TAS1R3: variants seen among roughly 807,000 people sequenced by gnomAD.
The protein encoded by TAS1R3 is taste receptor type 1 member 3.
In TAS1R3, 58 loss-of-function variants were observed where a neutral mutation model predicts 46.1. The ratio of observed to expected loss-of-function variants is 1.26; its 90% CI spans 1.02 to 1.57. The LOEUF (loss-of-function observed/expected upper bound fraction) is 1.57, where lower values mean the gene tolerates loss of function less well. Among genes scored for constraint, TAS1R3 ranks in the 40% most tolerant of loss-of-function variants. The pLI, the probability that TAS1R3 is intolerant of heterozygous loss-of-function variation, is 0.00. For missense variants in TAS1R3, 1,422 were observed against 1,185.8 expected (o/e 1.20, Z -2.93); for synonymous variants, 724 against 544.7 (o/e 1.33, Z -4.58).
Position 1,332,143 on chromosome 1 carries a change from C to G in TAS1R3, c.612C>G (p.Phe204Leu). 1 of 1,598,926 alleles carries G rather than the reference C, an allele frequency of 6.3e-7. No individual in the cohort carries two copies. Among genetic ancestry groups the G allele is most frequent in the Non-Finnish European group, 8.5e-7 (1 of 1,179,474 alleles). Residue 204 changes from phenylalanine to leucine, a missense_variant, in exon 3 of 6, where the codon TTC (phenylalanine) becomes TTG (leucine). Coordinates refer to ENST00000339381, the MANE Select transcript of TAS1R3 (RefSeq NM_152228.3). ...LTAAAELLQE[F>L]GWNWVAALGS... ...CCGCCGCGGAGCTGCTGCAGGAGTT[C>G]GGCTGGAACTGGGTGGCCGCCCTGG... is the stretch of plus-strand genomic sequence containing the variant.
In TAS1R3 at chr1:1,334,513, C is replaced by T. The variant is rs149655013; in HGVS notation, c.*49C>T. The T allele has an allele frequency of 7.7e-5, 111 of 1,445,454 alleles. No homozygotes were observed. The East Asian group carries it at 2.7e-3, about 35-fold the overall frequency. 89.5% of individuals were successfully genotyped at this position (1,445,454 alleles called of 1,614,324 possible). A position where few individuals can be genotyped will look rare whatever the true frequency, so the allele number is the denominator to read the frequency against. Reference sequence around the variant, plus strand: ...GGTGAACCCAGACTTAGCTGCGATCCCCCCCAAGCCAGCAATGACCCGTGT... The same window carrying T: ...GGTGAACCCAGACTTAGCTGCGATCTCCCCCAAGCCAGCAATGACCCGTGT... On this transcript the variant is annotated 3_prime_UTR_variant, in exon 6 of 6. Coordinates refer to ENST00000339381, the MANE Select transcript of TAS1R3 (RefSeq NM_152228.3).
chr1:1,332,858 A>G, intron 3 of TAS1R3, 52 bp downstream of exon 3: 1 of 1,587,786 alleles, frequency 6.3e-7, no homozygotes, highest in Non-Finnish European at 8.6e-7. Context: ...CCAGGCCACC[A>G]GGCACGGCCA....
rs371658998 is a variant in TAS1R3, at chr1:1,333,139, G to A, written c.1479+15G>A. 1 of 1,607,366 alleles carries A rather than the reference G, an allele frequency of 6.2e-7. No individual in the cohort carries two copies. The highest frequency in any genetic ancestry group is 1.7e-5 in the Admixed American group (1 of 59,578). The stretch of plus-strand genomic sequence containing the variant: ...CTGACAACCAGGTGAGGTGAGGGTG[G>A]GTGTGCCAGGCGTGCCCGTGGTAGC... On this transcript the variant is annotated intron_variant, in intron 4 of 5. Transcript: ENST00000339381.
rs377297056 is a variant in TAS1R3 at position 1,332,243 on chromosome 1, G to A, written c.712G>A (p.Ala238Thr). 101 of 1,595,152 alleles carry A rather than the reference G, an allele frequency of 6.3e-5. 2 individuals carry two copies. The Admixed American group carries it at 8.8e-4, about 14-fold the overall frequency. ...ALAAARGICI[A>T]HEGLVPLPRA... ...GGCCGCGGCACGCGGCATCTGCATC[G>A]CGCACGAGGGCCTGGTGCCGCTGCC... Residue 238 changes from alanine (A) to threonine (T), a missense_variant, in exon 3 of 6, where the codon GCG becomes ACG. By Grantham distance (58) the Ala-to-Thr change is moderately conservative. Transcript: ENST00000339381.
Position 1,334,541 on chromosome 1 carries a change from C to A in TAS1R3, c.*77C>A. 1 of 1,407,292 alleles carries A rather than the reference C, an allele frequency of 7.1e-7. No homozygotes were observed. The highest frequency in any genetic ancestry group is 1.5e-5 in the South Asian group (1 of 67,588). The allele number at this position is 1,407,292 out of a possible 1,614,324, so 87.2% of individuals were successfully genotyped here. A position where few individuals can be genotyped will look rare whatever the true frequency, so the allele number is the denominator to read the frequency against. ...CCCAAGCCAGCAATGACCCGTGTCT[C>A]GCTACAGAGACCCTCCCGCTCTAGG... is the stretch of plus-strand genomic sequence containing the variant. On this transcript the variant is annotated 3_prime_UTR_variant, in exon 6 of 6. Transcript: ENST00000339381.
chr1:1,334,534 CGT>C lies in TAS1R3; in HGVS notation c.*73_*74del. The C allele has an allele frequency of 7.0e-7, 1 of 1,423,402 alleles. No homozygotes were observed. Among genetic ancestry groups the C allele is most frequent in the African/African-American group, 1.4e-5 (1 of 69,868 alleles). The allele number at this position is 1,423,402 out of a possible 1,614,324, so 88.2% of individuals were successfully genotyped here. A position where few individuals can be genotyped will look rare whatever the true frequency, so the allele number is the denominator to read the frequency against. On this transcript the variant is annotated 3_prime_UTR_variant, in exon 6 of 6. Transcript: ENST00000339381. Reference sequence around the variant, plus strand: ...GATCCCCCCCAAGCCAGCAATGACCCGTGTCTCGCTACAGAGACCCTCCCGCT... The same window carrying C: ...GATCCCCCCCAAGCCAGCAATGACCCGTCTCGCTACAGAGACCCTCCCGCT...
In TAS1R3 at chr1:1,332,342, GTGC is replaced by G. The variant is rs1228194004; in HGVS notation, c.817_819del (p.Leu273del). 2 of 1,606,560 alleles carry G rather than the reference GTGC, an allele frequency of 1.2e-6. No homozygotes were observed. The highest frequency in any genetic ancestry group is 1.7e-5 in the Admixed American group (1 of 59,278). On this transcript the variant is annotated inframe_deletion, in exon 3 of 6. Transcript: ENST00000339381. ...GGTGAACCAGAGCAGCGTGCAGGTG[GTGC>G]TGCTGTTCGCCTCCGTGCACGCCGC...
rs748687102 is a variant in TAS1R3, at chr1:1,334,214, C to A, written c.2309C>A (p.Ala770Asp). The A allele has an allele frequency of 6.2e-7, 1 of 1,608,468 alleles. No individual in the cohort carries two copies. Residue 770 changes from alanine to aspartate, a missense_variant, in exon 6 of 6, where the codon GCC becomes GAC. Ala to Asp is a moderately radical substitution (Grantham distance 126, BLOSUM62 -2). Coordinates refer to ENST00000339381, the MANE Select transcript of TAS1R3 (RefSeq NM_152228.3). ...CGTGGCCTCACCTTTGCCATGCTGG[C>A]CTACTTCATCACCTGGGTCTCCTTT... ...RARGLTFAML[A>D]YFITWVSFVP...
rs1446128307 is a variant in TAS1R3 at position 1,331,793 on chromosome 1, T to A, written c.347T>A (p.Phe116Tyr). ...GTGGCCATGAAGCCCAGCCTCATGT[T>A]CCTGGCCAAGGCAGGCAGCCGCGAC... ...PVVAMKPSLMFLAKAGSRDIA... is the reference protein window; with the variant it reads ...PVVAMKPSLMYLAKAGSRDIA... The change falls in exon 2 of 6, where the codon TTC becomes TAC. Residue 116 changes from phenylalanine (F) to tyrosine (Y), a missense_variant. Coordinates refer to ENST00000339381, the MANE Select transcript of TAS1R3 (RefSeq NM_152228.3). 1.2e-6 allele frequency: 2 copies of A among 1,612,800 alleles called. No homozygotes were observed. Among genetic ancestry groups the A allele is most frequent in the African/African-American group, 2.7e-5 (2 of 74,940 alleles).
In TAS1R3 at chr1:1,334,451, G is replaced by A. The variant is rs772170812; in HGVS notation, c.2546G>A (p.Gly849Glu). The change falls in exon 6 of 6, where the codon GGG becomes GAG. Residue 849 changes from glycine to glutamate, a missense_variant. Gly to Glu is a moderately conservative substitution (Grantham distance 98). Transcript: ENST00000339381. ...GQNDGNTGNQ[G>E]KHE is the part of the protein sequence containing the mutation. ...AATGACGGGAACACAGGAAATCAGG[G>A]GAAACATGAGTGACCCAACCCTGTG... The A allele has an allele frequency of 6.4e-6, 10 of 1,569,154 alleles. No homozygotes were observed. Among genetic ancestry groups the A allele is most frequent in the South Asian group, 5.7e-5 (5 of 87,020 alleles).
At chr1:1,333,221 C>T in intron 4 of TAS1R3, 38 bp from the exon 5 acceptor site, 3 of 1,593,702 alleles carry the variant, frequency 1.9e-6, no homozygotes, top group Non-Finnish European at 1.7e-6. Context: ...CGTGGGCATG[C>T]CCAGCCGAGC....
chr1:1,331,652 G>A lies in TAS1R3; in HGVS notation c.206G>A (p.Gly69Asp), dbSNP rs1353827425. Residue 69 changes from glycine to aspartate, a missense_variant, in exon 2 of 6, where the codon GGC (glycine) becomes GAC (aspartate). By Grantham distance (94) the Gly-to-Asp change is moderately conservative. Transcript: ENST00000339381. ...TGTGGCCCCAGGTTCTCCTCAAACGGCCTGCTCTGGGCACTGGCCATGAAA... is the reference window on the plus strand; with the variant it reads ...TGTGGCCCCAGGTTCTCCTCAAACGACCTGCTCTGGGCACTGGCCATGAAA... ...SPVCTRFSSN[G>D]LLWALAMKMA... is the part of the protein sequence containing the mutation. 7 of 1,610,892 alleles carry A rather than the reference G, an allele frequency of 4.3e-6. No individual in the cohort carries two copies. The highest frequency in any genetic ancestry group is 5.9e-6 in the Non-Finnish European group (7 of 1,178,466).
Position 1,332,668 on chromosome 1 carries a change from G to A in TAS1R3, c.1137G>A (p.Gln379=), listed in dbSNP as rs1186056362. The change falls in exon 3 of 6, where the codon CAG becomes CAA. Residue 379 remains glutamine (Q), a synonymous_variant. Transcript: ENST00000339381. ...CGCAGTGTGACTGCATCACGCTGCA[G>A]AACGTGAGCGCAGGGCTAAATCACC... ...RCPQCDCITL[Q]NVSAGLNHHQ... The A allele has an allele frequency of 3.1e-6, 5 of 1,606,072 alleles. No individual in the cohort carries two copies. The African/African-American group carries it at 4.0e-5, about 13-fold the overall frequency.
intron 4 of TAS1R3, 35 bp from the exon 5 acceptor site, chr1:1,333,224 A>G (rs1643471776): frequency 6.3e-7 from 1 of 1,594,856 alleles, no homozygotes; most frequent in East Asian, 2.3e-5. Flanking sequence ...GGGCATGCCC[A>G]GCCGAGCAGA....
Position 1,332,793 on chromosome 1 carries a change from TGAAGCCCTGGCAGGTGAGCCCGG to T in TAS1R3, c.1265_1275+12del. ...TCAGGCTGCCCCGCGCAGGACCCCG[TGAAGCCCTGGCAGGTGAGCCCGG>T]GAGATGGGGGTGTGCTGTCCTCTGC... On this transcript the variant is annotated splice_donor_variant and splice_donor_5th_base_variant and coding_sequence_variant and intron_variant, in exon 3 of 6. Transcript: ENST00000339381. LOFTEE classifies it high-confidence loss of function. The T allele has an allele frequency of 6.2e-7, 1 of 1,604,790 alleles. No homozygotes were observed. The highest frequency in any genetic ancestry group is 1.1e-5 in the South Asian group (1 of 90,932).
rs1238518760 is a variant in TAS1R3 at position 1,334,284 on chromosome 1, G to A, written c.2379G>A (p.Val793=). ...TGCAGGTGGTCCTCAGGCCCGCCGTGCAGATGGGCGCCCTCCTGCTCTGTG... is the reference window on the plus strand; with the variant it reads ...TGCAGGTGGTCCTCAGGCCCGCCGTACAGATGGGCGCCCTCCTGCTCTGTG... The part of the protein sequence containing the change: ...ANVQVVLRPA[V]QMGALLLCVL... Residue 793 remains valine (V), a synonymous_variant, in exon 6 of 6, where the codon GTG becomes GTA. Coordinates refer to ENST00000339381, the MANE Select transcript of TAS1R3 (RefSeq NM_152228.3). The A allele has an allele frequency of 6.2e-7, 1 of 1,611,802 alleles. No homozygotes were observed. The highest frequency in any genetic ancestry group is 1.7e-5 in the Admixed American group (1 of 59,980).
At position 1,331,762 on chromosome 1, in the gene TAS1R3, C is replaced by G; in HGVS notation, c.316C>G (p.Pro106Ala). 6.2e-7 allele frequency: 1 copy of G among 1,612,894 alleles called. No individual in the cohort carries two copies. The highest frequency in any genetic ancestry group is 8.5e-7 in the Non-Finnish European group (1 of 1,180,024). ...GYDLFDTCSE[P>A]VVAMKPSLMF... ...CGACCTCTTTGATACGTGCTCGGAGCCTGTGGTGGCCATGAAGCCCAGCCT... is the reference window on the plus strand; with the variant it reads ...CGACCTCTTTGATACGTGCTCGGAGGCTGTGGTGGCCATGAAGCCCAGCCT... Residue 106 changes from proline to alanine, a missense_variant, in exon 2 of 6, where the codon CCT (proline) becomes GCT (alanine). Physicochemically the swap from Pro to Ala is conservative, Grantham distance 27. Coordinates refer to ENST00000339381, the MANE Select transcript of TAS1R3 (RefSeq NM_152228.3).
chr1:1,333,941 C>G lies in TAS1R3; in HGVS notation c.2036C>G (p.Pro679Arg). Residue 679 changes from proline (P) to arginine (R), a missense_variant, in exon 6 of 6, where the codon CCC becomes CGC. Transcript: ENST00000339381. Reference sequence around the variant, plus strand: ...CGGCTGAGTGGCTGCCTGCGGGGGCCCTGGGCCTGGCTGGTGGTGCTGCTG... The same window carrying G: ...CGGCTGAGTGGCTGCCTGCGGGGGCGCTGGGCCTGGCTGGTGGTGCTGCTG... Reference protein sequence around the residue: ...ADRLSGCLRGPWAWLVVLLAM... With the variant: ...ADRLSGCLRGRWAWLVVLLAM... The G allele has an allele frequency of 1.2e-6, 2 of 1,600,234 alleles. No individual in the cohort carries two copies. Among genetic ancestry groups the G allele is most frequent in the African/African-American group, 1.3e-5 (1 of 74,210 alleles).
At position 1,334,354 on chromosome 1, in the gene TAS1R3, C is replaced by T; in HGVS notation, c.2449C>T (p.Leu817Phe). Reference protein sequence around the residue: ...AAFHLPRCYLLMRQPGLNTPE... With the variant: ...AAFHLPRCYLFMRQPGLNTPE... ...CTTCCACCTGCCCAGGTGTTACCTGCTCATGCGGCAGCCAGGGCTCAACAC... is the reference window on the plus strand; with the variant it reads ...CTTCCACCTGCCCAGGTGTTACCTGTTCATGCGGCAGCCAGGGCTCAACAC... Residue 817 changes from leucine to phenylalanine, a missense_variant, in exon 6 of 6, where the codon CTC becomes TTC. Physicochemically the swap from Leu to Phe is conservative, Grantham distance 22 (BLOSUM62 0). Coordinates refer to ENST00000339381, the MANE Select transcript of TAS1R3 (RefSeq NM_152228.3). 1.2e-6 allele frequency: 2 copies of T among 1,611,758 alleles called. No individual in the cohort carries two copies. The highest frequency in any genetic ancestry group is 1.7e-4 in the Middle Eastern group (1 of 6,056).
Sources: allele counts gnomAD v4.1 joint callset, GRCh38; gene constraint gnomAD v4.1.1; transcripts MANE v1.5; gene names NCBI Gene and HGNC (gene_info 2026-07-23, HGNC 2026-07-21).